The following SLC2A9 variants were observed in gnomAD, a reference collection of about 807,000 sequenced individuals.
SLC2A9 encodes the protein solute carrier family 2 member 9, also known as solute carrier family 2, facilitated glucose transporter member 9.
In SLC2A9, 39 loss-of-function variants were observed where a neutral mutation model predicts 50.6. That is an observed-to-expected ratio of 0.77 (90% CI 0.60 to 1.01). The LOEUF is 1.01. Among genes scored for constraint, SLC2A9 ranks in the 50% least tolerant of loss-of-function variants. The pLI, the probability that SLC2A9 is intolerant of heterozygous loss-of-function variation, is 0.00. For synonymous variants in SLC2A9, 324 were observed against 276.9 expected, an observed-to-expected ratio of 1.17 and a Z score of -1.69; for missense variants, 686 against 677.6, an observed-to-expected ratio of 1.01 and a Z score of -0.14.
intron 10 of SLC2A9, among the ~76,000 whole-genome samples, chr4:9,837,407 G>C (rs780102698): frequency 4.6e-5 from 7 of 152,178 alleles, no homozygotes; most frequent in Non-Finnish European, 1.0e-4. Context: ...AACACCACTG[G>C]GAATCAGTTC....
chr4:10,037,734 A>G (rs1764151387), intron 1 of SLC2A9, among the ~76,000 whole-genome samples: 1 of 152,162 alleles, frequency 6.6e-6, no homozygotes, highest in African/African-American at 2.4e-5. Flanking sequence ...AGATCACTTG[A>G]GGTCAGGAGT....
rs142143900 is a variant in SLC2A9, at chr4:9,851,895, C to T, written c.1292-16887G>A. ...AAGAAAAAAGAATAAAAAGAATGAACAAAATCTCTGAGCAATATGAGATTA... is the reference window on the plus strand; with the variant it reads ...AAGAAAAAAGAATAAAAAGAATGAATAAAATCTCTGAGCAATATGAGATTA... On this transcript the variant is annotated intron_variant, in intron 10 of 11. Coordinates refer to ENST00000264784, the MANE Select transcript of SLC2A9 (RefSeq NM_020041.3). 2.6e-3 allele frequency among the ~76,000 whole-genome samples: 394 copies of T among 152,266 alleles called. 1 individual carries two copies. Among genetic ancestry groups the T allele is most frequent in the African/African-American group, 9.0e-3 (373 of 41,550 alleles).
chr4:9,799,549 T>C (rs1721043649), intron 3 of SLC2A9, among the ~76,000 whole-genome samples: 1 of 152,132 alleles, frequency 6.6e-6, no homozygotes, highest in South Asian at 2.1e-4. Context: ...ATCACCTTGA[T>C]TAAATCTCCA....
At chr4:9,879,559 C>T (rs1734864936) in intron 10 of SLC2A9, 1 of 985,310 alleles carries the variant, frequency 1.0e-6, no homozygotes. Context: ...CAGAGGGGTC[C>T]TTTTTCCAAG....
chr4:9,970,314 G>C (rs941120181), intron 5 of SLC2A9, among the ~76,000 whole-genome samples: 2 of 152,168 alleles, frequency 1.3e-5, no homozygotes, highest in African/African-American at 4.8e-5. Flanking sequence ...GCAGAAGTCA[G>C]CCAGCCAACT....
intron 1 of SLC2A9, chr4:10,029,087 G>A (rs1262617317): frequency 6.6e-6 from 1 of 152,286 alleles, no homozygotes; most frequent in African/African-American, 2.4e-5. Flanking sequence ...TCCTCAGAGG[G>A]CTGACATCTG....
intron 2 of SLC2A9, among the ~76,000 whole-genome samples, chr4:10,006,115 C>G (rs1760735058): frequency 1.3e-5 from 2 of 152,270 alleles, no homozygotes; most frequent in South Asian, 4.1e-4. Flanking sequence ...TTGTCAGATT[C>G]AAGAATCCAT....
intron 10 of SLC2A9, among the ~76,000 whole-genome samples, chr4:9,838,827 C>A (rs2109190057): frequency 6.6e-6 from 1 of 152,210 alleles, no homozygotes; most frequent in Non-Finnish European, 1.5e-5. Flanking sequence ...TGGACTCCTC[C>A]CTTACACCAT....
intron 3 of SLC2A9, among the ~76,000 whole-genome samples, chr4:9,813,191 G>C (rs1723102653): frequency 6.6e-6 from 1 of 152,150 alleles, no homozygotes; most frequent in Non-Finnish European, 1.5e-5. Flanking sequence ...GGGGCAGGCG[G>C]GTTGCAGAAA....
At chr4:9,782,340 C>A in intron 3 of SLC2A9, 3 of 1,614,048 alleles carry the variant, frequency 1.9e-6, no homozygotes, top group Middle Eastern at 1.7e-4. Context: ...GCCGAGGTGG[C>A]CGGTTACTGG....
At chr4:9,985,616 G>C (rs1560438853) in intron 4 of SLC2A9, 53 bp downstream of exon 4, 1 of 1,611,388 alleles carries the variant, frequency 6.2e-7, no homozygotes, top group Non-Finnish European at 8.5e-7. Flanking sequence ...CACATTTTGG[G>C]ACACCCCCAA....
chr4:9,882,085 G>A (rs1735308821), intron 10 of SLC2A9, among the ~76,000 whole-genome samples: 1 of 152,218 alleles, frequency 6.6e-6, no homozygotes, highest in Non-Finnish European at 1.5e-5. Flanking sequence ...AGCAGGAATG[G>A]CTGGAACCAT....
At chr4:9,903,901 CAATA>C (rs1008836122) in intron 8 of SLC2A9, among the ~76,000 whole-genome samples, 4 of 145,196 alleles carry the variant, frequency 2.8e-5, no homozygotes, top group African/African-American at 5.0e-5. Context: ...TATTTTATAT[CAATA>C]AATATATAAA....
chr4:9,879,520 C>G (rs1434381811), intron 10 of SLC2A9: 1 of 985,288 alleles, frequency 1.0e-6, no homozygotes, highest in Non-Finnish European at 1.2e-6. Flanking sequence ...TAGGTTCTGT[C>G]AAATGCTGAT....
chr4:9,970,818 C>T (rs899438774), intron 5 of SLC2A9, among the ~76,000 whole-genome samples: 3 of 152,194 alleles, frequency 2.0e-5, no homozygotes, highest in East Asian at 3.9e-4. Context: ...GACCCAAAAC[C>T]GGACCCAAAA....
intron 5 of SLC2A9, among the ~76,000 whole-genome samples, chr4:9,952,335 T>C (rs1750448880): frequency 1.3e-5 from 2 of 152,262 alleles, no homozygotes; most frequent in East Asian, 1.9e-4. Flanking sequence ...TGATGGTGAA[T>C]GAGTTCTCCC....
At chr4:9,893,276 G>A (rs1440164047) in intron 8 of SLC2A9, among the ~76,000 whole-genome samples, 1 of 152,006 alleles carries the variant, frequency 6.6e-6, no homozygotes, top group Non-Finnish European at 1.5e-5. Context: ...TCACTTGAAG[G>A]CTAGGAGCCT....
chr4:10,019,275 C>G lies in SLC2A9; in HGVS notation c.151-202G>C, dbSNP rs1462073063. The G allele has an allele frequency of 6.8e-6, 4 of 589,480 alleles. No individual in the cohort carries two copies. In the East Asian group the frequency reaches 1.1e-4, roughly 17 times the overall value. 36.5% of individuals were successfully genotyped at this position (589,480 alleles called of 1,614,324 possible). Reference sequence around the variant, plus strand: ...TCCAGGTCCGCGTGCGCAGGCCGGGCGCCCTCAGGTTTAGCGGCCACGCCC... The same window carrying G: ...TCCAGGTCCGCGTGCGCAGGCCGGGGGCCCTCAGGTTTAGCGGCCACGCCC... On this transcript the variant is annotated intron_variant, in intron 1 of 11. Transcript: ENST00000264784.
chr4:9,956,532 C>T (rs779351320), intron 5 of SLC2A9, among the ~76,000 whole-genome samples: 1 of 152,048 alleles, frequency 6.6e-6, no homozygotes, highest in Non-Finnish European at 1.5e-5. Flanking sequence ...CATTCTGATA[C>T]ACAGCCACCT....
Sources: allele counts gnomAD v4.1 joint callset (sites outside exome capture counted in the v4.1 genomes callset), GRCh38; gene constraint gnomAD v4.1.1; transcripts MANE v1.5; gene names NCBI Gene and HGNC (gene_info 2026-07-23, HGNC 2026-07-21).